Variants in LINGO2 observed in about 807,000 individuals in gnomAD.
LINGO2 encodes leucine rich repeat and Ig domain containing 2.
Under a neutral mutation model 30.6 loss-of-function variants are expected in LINGO2, and 14 were observed. That is an observed-to-expected ratio of 0.46 (90% CI 0.30 to 0.72). The LOEUF (loss-of-function observed/expected upper bound fraction) is 0.72. Among genes scored for constraint, LINGO2 ranks in the 30% least tolerant of loss-of-function variants. The pLI, the probability that LINGO2 is intolerant of heterozygous loss-of-function variation, is 0.07. For missense variants in LINGO2, 729 were observed against 751.7 expected, an observed-to-expected ratio of 0.97 and a Z score of 0.35; for synonymous variants, 317 against 288.5, an observed-to-expected ratio of 1.10 and a Z score of -1.00.
the LINGO2 span, among the ~76,000 whole-genome samples, chr9:28,768,271 T>G: frequency 6.6e-6 from 1 of 152,324 alleles, no homozygotes; most frequent in East Asian, 1.9e-4. Context: ...TCTGAACTCA[T>G]GAATTTAAAC....
chr9:28,098,964 G>A (rs1011848332), intron 4 of LINGO2, among the ~76,000 whole-genome samples: 6 of 152,106 alleles, frequency 3.9e-5, no homozygotes, highest in African/African-American at 1.4e-4. Context: ...GCTTTGAAAT[G>A]TATTTCATGC....
intron 3 of LINGO2, among the ~76,000 whole-genome samples, chr9:28,298,823 T>C (rs1033440089): frequency 6.6e-6 from 1 of 152,204 alleles, no homozygotes; most frequent in South Asian, 2.1e-4. Context: ...ACAGAAGTGA[T>C]TGATAAATCA....
intron 4 of LINGO2, among the ~76,000 whole-genome samples, chr9:28,190,722 C>G (rs1484135793): frequency 6.6e-6 from 1 of 152,080 alleles, no homozygotes; most frequent in Non-Finnish European, 1.5e-5. Flanking sequence ...GTTAAACCAG[C>G]CCGGACATTC....
the LINGO2 span, among the ~76,000 whole-genome samples, chr9:28,960,104 C>T: frequency 6.6e-6 from 1 of 152,116 alleles, no homozygotes; most frequent in African/African-American, 2.4e-5. Context: ...CATAGAAATT[C>T]TACTTTCATG....
At chr9:29,100,265 G>A in the LINGO2 span, among the ~76,000 whole-genome samples, 2 of 152,196 alleles carry the variant, frequency 1.3e-5, no homozygotes, top group Non-Finnish European at 2.9e-5. Flanking sequence ...CTACACGGGG[G>A]AGGGGAAGCC....
At chr9:28,044,005 T>TA (rs1824307076) in intron 4 of LINGO2, among the ~76,000 whole-genome samples, 1 of 152,220 alleles carries the variant, frequency 6.6e-6, no homozygotes. Context: ...CCATTTGGTT[T>TA]GGAGTATTCT....
chr9:29,164,591 G>A, the LINGO2 span, among the ~76,000 whole-genome samples: 1 of 140,282 alleles, frequency 7.1e-6, no homozygotes, highest in Non-Finnish European at 1.6e-5. Context: ...GTGGGGGGTT[G>A]GGGGTAACAA....
intron 1 of LINGO2, among the ~76,000 whole-genome samples, chr9:28,537,794 T>C (rs1821500295): frequency 2.0e-5 from 3 of 151,438 alleles, no homozygotes. Flanking sequence ...ATATTCAAAG[T>C]GGTGGTGAAT....
chr9:28,893,911 C>T, the LINGO2 span, among the ~76,000 whole-genome samples: 1 of 151,768 alleles, frequency 6.6e-6, no homozygotes, highest in East Asian at 1.9e-4. Flanking sequence ...CTGCCCCCAC[C>T]CCACAACAGT....
intron 5 of LINGO2, among the ~76,000 whole-genome samples, chr9:27,960,077 C>T (rs1186650448): frequency 6.6e-6 from 1 of 151,904 alleles, no homozygotes; most frequent in African/African-American, 2.4e-5. Context: ...GGGGTTATTT[C>T]ATTTTGGTTC....
chr9:28,235,855 G>GT (rs1330313347), intron 4 of LINGO2, among the ~76,000 whole-genome samples: 2 of 152,144 alleles, frequency 1.3e-5, no homozygotes, highest in Non-Finnish European at 2.9e-5. Context: ...AAGGGCAAAT[G>GT]TAAGAGTTAT....
intron 4 of LINGO2, among the ~76,000 whole-genome samples, chr9:28,034,767 A>G (rs1467147419): frequency 6.6e-6 from 1 of 152,230 alleles, no homozygotes; most frequent in Admixed American, 6.5e-5. Context: ...ATTATATGTG[A>G]AATGTATTTA....
chr9:29,037,853 T>C, the LINGO2 span, among the ~76,000 whole-genome samples: 2 of 151,960 alleles, frequency 1.3e-5, no homozygotes, highest in Non-Finnish European at 2.9e-5. Context: ...AATTTAACAA[T>C]ATTCAATATA....
intron 1 of LINGO2, among the ~76,000 whole-genome samples, chr9:28,588,543 G>A (rs564538914): frequency 1.6e-4 from 25 of 151,934 alleles, no homozygotes; most frequent in African/African-American, 6.0e-4. Flanking sequence ...GGGAGCATAA[G>A]GATACCAGGA....
At position 28,652,285 on chromosome 9, in the gene LINGO2, A is replaced by G. The variant is rs1290226396; in HGVS notation, c.-365+17915T>C. Among the ~76,000 whole-genome samples the G allele has an allele frequency of 1.3e-5, 2 of 152,084 alleles. 1 individual carries two copies. Among genetic ancestry groups the G allele is most frequent in the Non-Finnish European group, 2.9e-5 (2 of 68,014 alleles). On this transcript the variant is annotated intron_variant, in intron 1 of 5. Transcript: ENST00000379992. Reference sequence around the variant, plus strand: ...TTAAGTCAATGTCTTTTCATAGACTATTAATTGTGATTTTTTCTTCATTTA... The same window carrying G: ...TTAAGTCAATGTCTTTTCATAGACTGTTAATTGTGATTTTTTCTTCATTTA...
At chr9:29,138,325 C>CG in the LINGO2 span, among the ~76,000 whole-genome samples, 1 of 140,978 alleles carries the variant, frequency 7.1e-6, no homozygotes, top group Non-Finnish European at 1.5e-5. Flanking sequence ...TCCCAGACCA[C>CG]CGGCCAGAAA....
the LINGO2 span, among the ~76,000 whole-genome samples, chr9:28,754,345 T>C: frequency 6.6e-6 from 1 of 152,120 alleles, no homozygotes; most frequent in Non-Finnish European, 1.5e-5. Flanking sequence ...CATATGTGTC[T>C]GATGCTAAAA....
the LINGO2 span, among the ~76,000 whole-genome samples, chr9:28,679,669 T>C: frequency 6.6e-6 from 1 of 152,056 alleles, no homozygotes; most frequent in African/African-American, 2.4e-5. Flanking sequence ...GGGTTTATAA[T>C]TTTTAATAAT....
At chr9:28,296,678 T>A (rs1823935969) in intron 3 of LINGO2, among the ~76,000 whole-genome samples, 1 of 152,164 alleles carries the variant, frequency 6.6e-6, no homozygotes, top group African/African-American at 2.4e-5. Flanking sequence ...ATGCAGCACT[T>A]CAAAATAATT....
Sources: allele counts gnomAD v4.1 joint callset (sites outside exome capture counted in the v4.1 genomes callset), GRCh38; gene constraint gnomAD v4.1.1; transcripts MANE v1.5; gene names NCBI Gene and HGNC (gene_info 2026-07-23, HGNC 2026-07-21).